WNT2: variants seen among roughly 807,000 people sequenced by gnomAD.
WNT2 encodes the protein Wnt family member 2, also known as protein Wnt-2.
WNT2 carries 12 observed loss-of-function variants against 36.9 expected under a neutral mutation model. That is an observed-to-expected ratio of 0.33 (90% CI 0.21 to 0.53). The LOEUF (loss-of-function observed/expected upper bound fraction) is 0.53. Among genes scored for constraint, WNT2 ranks in the 20% least tolerant of loss-of-function variants. The pLI is 0.95. For missense variants in WNT2, 379 were observed against 473.1 expected, an observed-to-expected ratio of 0.80 and a Z score of 1.84; for synonymous variants, 163 against 174.6, an observed-to-expected ratio of 0.93 and a Z score of 0.52.
chr7:117,283,676 G>T lies in WNT2; in HGVS notation c.854-5292C>A, dbSNP rs1032243542. On this transcript the variant is annotated intron_variant, in intron 4 of 4. Transcript: ENST00000265441. ...CAGTGTAGTGACCTCAACACCATCA[G>T]AACTCAGAGAGAGGAGCAGACAAAG... is the stretch of plus-strand genomic sequence containing the variant. Among the ~76,000 whole-genome samples, 86 of 152,224 alleles carry T rather than the reference G, an allele frequency of 5.6e-4. 2 individuals are homozygous for T. The highest frequency in any genetic ancestry group is 7.3e-5 in the Non-Finnish European group (5 of 68,040).
rs186638234 is a variant in WNT2 at position 117,302,007 on chromosome 7, C to T, written c.589-4131G>A. Reference sequence around the variant, plus strand: ...TATTTTTAGTAGAGACGGGGTTTCTCCATGTTGGTCAGGCTGGTCCTCAGG... The same window carrying T: ...TATTTTTAGTAGAGACGGGGTTTCTTCATGTTGGTCAGGCTGGTCCTCAGG... On this transcript the variant is annotated intron_variant, in intron 3 of 4. Coordinates refer to ENST00000265441, the MANE Select transcript of WNT2 (RefSeq NM_003391.3). Among the ~76,000 whole-genome samples the T allele has an allele frequency of 3.8e-3, 577 of 151,948 alleles. 1 individual carries two copies. Among genetic ancestry groups the T allele is most frequent in the Non-Finnish European group, 5.6e-3 (379 of 67,986 alleles).
intron 4 of WNT2, among the ~76,000 whole-genome samples, chr7:117,279,605 T>C (rs970477317): frequency 6.6e-6 from 1 of 152,164 alleles, no homozygotes; most frequent in Admixed American, 6.5e-5. Flanking sequence ...AGACAAGACA[T>C]GGAAAGAAAT....
intron 3 of WNT2, among the ~76,000 whole-genome samples, chr7:117,313,032 G>A (rs1228475120): frequency 3.3e-5 from 5 of 152,192 alleles, no homozygotes; most frequent in East Asian, 1.9e-4. Context: ...GAAAAAAAGT[G>A]GACTGATGTT....
intron 2 of WNT2, 57 bp from the exon 3 acceptor site, chr7:117,315,405 T>C: frequency 6.6e-7 from 1 of 1,520,768 alleles, no homozygotes. Flanking sequence ...CTGAATAACT[T>C]TCATATGACA....
intron 3 of WNT2, among the ~76,000 whole-genome samples, chr7:117,313,386 T>G (rs1795158347): frequency 6.6e-6 from 1 of 152,238 alleles, no homozygotes; most frequent in South Asian, 2.1e-4. Context: ...TCCTAAGTTT[T>G]GCAGAGCAGG....
At chr7:117,301,150 A>G (rs1794898237) in intron 3 of WNT2, 1 of 152,204 alleles carries the variant, frequency 6.6e-6, no homozygotes, top group Non-Finnish European at 1.5e-5. Flanking sequence ...TTTATCTGAC[A>G]ATTAACCTGG....
At chr7:117,301,456 C>A (rs755109065) in intron 3 of WNT2, among the ~76,000 whole-genome samples, 11 of 152,176 alleles carry the variant, frequency 7.2e-5, no homozygotes, top group Non-Finnish European at 1.6e-4. Flanking sequence ...TAGTTTAGAG[C>A]AACTCCAGTA....
Position 117,315,217 on chromosome 7 carries a change from T to G in WNT2, c.442A>C (p.Ser148Arg). ...DPKKMGSAKD[S>R]KGIFDWGGCS... ...CCACCCCAATCAAAAATGCCTTTGCTGTCCTTGGCGCTTCCCATCTTCTTT... is the reference window on the plus strand; with the variant it reads ...CCACCCCAATCAAAAATGCCTTTGCGGTCCTTGGCGCTTCCCATCTTCTTT... The change falls in exon 3 of 5, where the codon AGC becomes CGC. Residue 148 changes from serine (S) to arginine (R), a missense_variant. Ser to Arg is a moderately radical substitution (Grantham distance 110). Transcript: ENST00000265441. 3.1e-6 allele frequency: 5 copies of G among 1,614,220 alleles called. No individual in the cohort carries two copies. The highest frequency in any genetic ancestry group is 4.2e-6 in the Non-Finnish European group (5 of 1,180,028).
At chr7:117,320,324 A>G (rs1795299154) in intron 2 of WNT2, 2 of 519,720 alleles carry the variant, frequency 3.8e-6, no homozygotes, top group Non-Finnish European at 3.5e-6. Flanking sequence ...TGGACAGAGC[A>G]AAGAGTGAAA....
intron 3 of WNT2, among the ~76,000 whole-genome samples, chr7:117,309,304 C>T (rs773286983): frequency 2.0e-5 from 3 of 152,118 alleles, no homozygotes; most frequent in Non-Finnish European, 2.9e-5. Context: ...GTAGGTGGAA[C>T]TTAGAAGTAT....
chr7:117,306,666 C>G (rs1795020034), intron 3 of WNT2, among the ~76,000 whole-genome samples: 1 of 152,180 alleles, frequency 6.6e-6, no homozygotes, highest in Admixed American at 6.5e-5. Context: ...TTCTCCCAGC[C>G]CCCATGGTTC....
chr7:117,295,700 G>A (rs1241388537), intron 4 of WNT2, among the ~76,000 whole-genome samples: 1 of 152,158 alleles, frequency 6.6e-6, no homozygotes, highest in Non-Finnish European at 1.5e-5. Context: ...TGTGTCCTTG[G>A]AGGCAGGCAG....
At chr7:117,314,490 G>C (rs933576697) in intron 3 of WNT2, among the ~76,000 whole-genome samples, 10 of 152,198 alleles carry the variant, frequency 6.6e-5, no homozygotes, top group African/African-American at 2.2e-4. Context: ...AGGTCTAGAG[G>C]AGAAGGGGCC....
intron 3 of WNT2, among the ~76,000 whole-genome samples, chr7:117,308,998 A>G (rs1456049034): frequency 6.6e-6 from 1 of 151,812 alleles, no homozygotes; most frequent in Non-Finnish European, 1.5e-5. Flanking sequence ...ACCCTGGGCA[A>G]CATAGTAAGA....
At chr7:117,316,243 T>C (rs1795215206) in intron 2 of WNT2, among the ~76,000 whole-genome samples, 1 of 152,204 alleles carries the variant, frequency 6.6e-6, no homozygotes, top group South Asian at 2.1e-4. Flanking sequence ...GGTACATATT[T>C]CAGTGCAATA....
chr7:117,315,034 T>C (rs768305330), intron 3 of WNT2, 37 bp downstream of exon 3: 28 of 1,606,454 alleles, frequency 1.7e-5, no homozygotes, highest in South Asian at 1.1e-4. Context: ...TATAAAGCCA[T>C]GCAGCCTACA....
chr7:117,278,033 G>T lies in WNT2; in HGVS notation c.*122C>A. The T allele has an allele frequency of 8.5e-7, 1 of 1,174,322 alleles. No individual in the cohort carries two copies. The highest frequency in any genetic ancestry group is 1.5e-5 in the African/African-American group (1 of 65,336). 72.7% of individuals were successfully genotyped at this position (1,174,322 alleles called of 1,614,324 possible). On this transcript the variant is annotated 3_prime_UTR_variant, in exon 5 of 5. Coordinates refer to ENST00000265441, the MANE Select transcript of WNT2 (RefSeq NM_003391.3). Reference sequence around the variant, plus strand: ...CCCCAGGGAGGAAGAGGGGGCTTCCGTTGAGATAAAGGCCACATGCCTTAG... The same window carrying T: ...CCCCAGGGAGGAAGAGGGGGCTTCCTTTGAGATAAAGGCCACATGCCTTAG...
intron 4 of WNT2, among the ~76,000 whole-genome samples, chr7:117,278,785 A>G (rs1794428308): frequency 6.6e-6 from 1 of 152,172 alleles, no homozygotes; most frequent in South Asian, 2.1e-4. Flanking sequence ...ACCTCAAACC[A>G]CATTAAGGAA....
At chr7:117,304,885 T>C (rs1794987379) in intron 3 of WNT2, among the ~76,000 whole-genome samples, 1 of 152,204 alleles carries the variant, frequency 6.6e-6, no homozygotes, top group Non-Finnish European at 1.5e-5. Flanking sequence ...GTCCTGGCTC[T>C]TTCCACCCCC....
Sources: allele counts gnomAD v4.1 joint callset (sites outside exome capture counted in the v4.1 genomes callset), GRCh38; gene constraint gnomAD v4.1.1; transcripts MANE v1.5; gene names NCBI Gene and HGNC (gene_info 2026-07-23, HGNC 2026-07-21).